The following PRDM5 variants were observed in gnomAD, a reference collection of about 807,000 sequenced individuals.
PRDM5 encodes PR/SET domain 5, also known as PR domain zinc finger protein 5.
In PRDM5, 56 loss-of-function variants were observed where a neutral mutation model predicts 81.2. That is an observed-to-expected ratio of 0.69 (90% CI 0.56 to 0.86). The LOEUF is 0.86. PRDM5 is among the 40% of genes least tolerant of loss of function. PRDM5 has a pLI of 0.00. For missense variants in PRDM5, 697 were observed against 770.1 expected, an observed-to-expected ratio of 0.91 and a Z score of 1.12; for synonymous variants, 267 against 256.4, an observed-to-expected ratio of 1.04 and a Z score of -0.39.
Position 120,777,247 on chromosome 4 carries a change from T to C in PRDM5, c.1478A>G (p.Tyr493Cys), listed in dbSNP as rs536473373. 1 of 1,613,442 alleles carries C rather than the reference T, an allele frequency of 6.2e-7. No homozygotes were observed. The highest frequency in any genetic ancestry group is 1.1e-5 in the South Asian group (1 of 91,084). Residue 493 changes from tyrosine (Y) to cysteine (C), a missense_variant, in exon 13 of 16, where the codon TAT (tyrosine) becomes TGT (cysteine). Coordinates refer to ENST00000264808, the MANE Select transcript of PRDM5 (RefSeq NM_018699.4). ...ACTGCTGGCAAATTTCTGGCCACAA[T>C]ATGGACAGATTTTCTCCTTTTCTCC... ...HTGEKEKICPYCGQKFASSGT... is the reference protein window; with the variant it reads ...HTGEKEKICPCCGQKFASSGT...
intron 13 of PRDM5, among the ~76,000 whole-genome samples, chr4:120,773,007 G>A (rs1417049706): frequency 1.3e-5 from 2 of 152,124 alleles, no homozygotes; most frequent in Non-Finnish European, 2.9e-5. Context: ...CTGTGATAAA[G>A]TAAAACATAT....
At chr4:120,691,483 A>G (rs748238348), downstream of PRDM5, among the ~76,000 whole-genome samples, 1 of 152,296 alleles carries the variant, frequency 6.6e-6, no homozygotes, top group Middle Eastern at 3.4e-3. Flanking sequence ...CATCAAAATG[A>G]TAAACATAAA....
At chr4:120,831,722 GA>G (rs1441904810) in intron 3 of PRDM5, among the ~76,000 whole-genome samples, 2 of 152,016 alleles carry the variant, frequency 1.3e-5, no homozygotes, top group African/African-American at 4.8e-5. Context: ...GAGTGGTTAT[GA>G]AAAAATATGA....
chr4:120,841,972 A>G (rs1758085214), intron 3 of PRDM5, among the ~76,000 whole-genome samples: 1 of 152,224 alleles, frequency 6.6e-6, no homozygotes, highest in South Asian at 2.1e-4. Context: ...TACATTTGTT[A>G]CGTATGATTT....
chr4:120,800,362 T>A (rs948516971), intron 8 of PRDM5, among the ~76,000 whole-genome samples: 4 of 151,954 alleles, frequency 2.6e-5, no homozygotes, highest in Non-Finnish European at 5.9e-5. Flanking sequence ...CAAAAAATTT[T>A]AAAAATTAGC....
At chr4:120,892,788 C>T (rs1296667182) in intron 2 of PRDM5, among the ~76,000 whole-genome samples, 1 of 152,226 alleles carries the variant, frequency 6.6e-6, no homozygotes, top group Non-Finnish European at 1.5e-5. Flanking sequence ...GAAGTGGGAC[C>T]ACTGACTAGC....
chr4:120,804,516 C>G (rs990040899), intron 8 of PRDM5, among the ~76,000 whole-genome samples: 4 of 152,188 alleles, frequency 2.6e-5, no homozygotes, highest in African/African-American at 9.7e-5. Flanking sequence ...GATCACAGTG[C>G]AATCAAACTA....
intron 15 of PRDM5, among the ~76,000 whole-genome samples, chr4:120,704,042 G>C (rs1170180178): frequency 6.6e-6 from 1 of 152,144 alleles, no homozygotes; most frequent in Admixed American, 6.5e-5. Context: ...GGGAAAATGA[G>C]AGCAATGGCA....
chr4:120,728,431 ATGTG>A (rs949250079), intron 14 of PRDM5, among the ~76,000 whole-genome samples: 1 of 151,966 alleles, frequency 6.6e-6, no homozygotes, highest in African/African-American at 2.4e-5. Context: ...TGATGTATGT[ATGTG>A]TGTGTGTATA....
At chr4:120,710,978 T>G (rs1036338793) in intron 14 of PRDM5, among the ~76,000 whole-genome samples, 1 of 152,262 alleles carries the variant, frequency 6.6e-6, no homozygotes, top group African/African-American at 2.4e-5. Flanking sequence ...TGAAAATGAC[T>G]AGCTCAAGGC....
chr4:120,747,341 G>C (rs1055341172), intron 14 of PRDM5, among the ~76,000 whole-genome samples: 5 of 149,746 alleles, frequency 3.3e-5, no homozygotes, highest in Non-Finnish European at 1.5e-5. Context: ...GCTAGATGAC[G>C]AGTTAGTGGG....
intron 14 of PRDM5, among the ~76,000 whole-genome samples, chr4:120,749,113 A>C (rs969892250): frequency 6.6e-6 from 1 of 152,176 alleles, no homozygotes; most frequent in Admixed American, 6.5e-5. Context: ...TAATGACAAA[A>C]AGCTGAAAAA....
intron 2 of PRDM5, among the ~76,000 whole-genome samples, chr4:120,880,525 A>G (rs1762744074): frequency 6.6e-6 from 1 of 152,176 alleles, no homozygotes; most frequent in Non-Finnish European, 1.5e-5. Context: ...CAATTCAACC[A>G]TGTAACCAAT....
At chr4:120,883,413 G>C (rs1763061635) in intron 2 of PRDM5, among the ~76,000 whole-genome samples, 1 of 151,974 alleles carries the variant, frequency 6.6e-6, no homozygotes, top group African/African-American at 2.4e-5. Flanking sequence ...ACTAAAAACT[G>C]ATATCAATCC....
chr4:120,829,865 A>T (rs1756495384), intron 3 of PRDM5, among the ~76,000 whole-genome samples: 1 of 152,076 alleles, frequency 6.6e-6, no homozygotes, highest in Non-Finnish European at 1.5e-5. Flanking sequence ...TGTAGAGGAA[A>T]AAAAAAGTCT....
chr4:120,796,824 A>T (rs1024243005), intron 10 of PRDM5, among the ~76,000 whole-genome samples: 1 of 152,194 alleles, frequency 6.6e-6, no homozygotes, highest in Admixed American at 6.5e-5. Context: ...GAAGTATCCC[A>T]TAAATATTAT....
intron 14 of PRDM5, among the ~76,000 whole-genome samples, chr4:120,712,615 T>C (rs1737175196): frequency 6.6e-6 from 1 of 152,180 alleles, no homozygotes; most frequent in Non-Finnish European, 1.5e-5. Context: ...TATGTATGAA[T>C]GGAACCTTAA....
intron 2 of PRDM5, among the ~76,000 whole-genome samples, chr4:120,873,028 G>A (rs142770655): frequency 6.6e-6 from 1 of 151,794 alleles, no homozygotes; most frequent in African/African-American, 2.4e-5. Context: ...TTGAGACAGA[G>A]TCTTACTCCA....
intron 14 of PRDM5, among the ~76,000 whole-genome samples, chr4:120,712,096 G>A (rs914501379): frequency 1.2e-4 from 18 of 152,044 alleles, no homozygotes; most frequent in African/African-American, 4.3e-4. Flanking sequence ...GACCAGCCTG[G>A]CCAACATGGT....
Sources: gnomAD v4.1 joint callset for allele counts (sites outside exome capture counted in the v4.1 genomes callset) on GRCh38, gnomAD v4.1.1 for gene constraint, MANE v1.5 for transcripts, NCBI Gene and HGNC (gene_info 2026-07-23, HGNC 2026-07-21) for gene names.